The following KIAA1217 variants were observed in gnomAD, a reference collection of about 807,000 sequenced individuals.
KIAA1217 encodes sickle tail protein homolog.
A neutral mutation model predicts 163.9 loss-of-function variants in KIAA1217; 88 were observed. The ratio of observed to expected loss-of-function variants is 0.54; its 90% CI spans 0.45 to 0.64. The LOEUF is 0.64. Among genes scored for constraint, KIAA1217 ranks in the 30% least tolerant of loss-of-function variants. KIAA1217 has a pLI of 0.00. For synonymous variants in KIAA1217, 903 were observed against 923.1 expected (o/e 0.98, Z 0.39); for missense variants, 2,372 against 2,475.0 (o/e 0.96, Z 0.88).
chr10:23,829,024 C>T (rs1838043550), intron 1 of KIAA1217, among the ~76,000 whole-genome samples: 1 of 152,288 alleles, frequency 6.6e-6, no homozygotes, highest in African/African-American at 2.4e-5. Context: ...CTATGACATA[C>T]ATTGATATAT....
intron 1 of KIAA1217, among the ~76,000 whole-genome samples, chr10:23,983,590 ATTCATGAGAAC>A: frequency 6.6e-6 from 1 of 152,272 alleles, no homozygotes; most frequent in South Asian, 2.1e-4. Flanking sequence ...GTGATAAGCC[ATTCATGAGAAC>A]TCCGCCCCCA....
chr10:24,123,042 C>T (rs1347763924), intron 2 of KIAA1217, among the ~76,000 whole-genome samples: 1 of 151,780 alleles, frequency 6.6e-6, no homozygotes, highest in African/African-American at 2.4e-5. Flanking sequence ...ATTCTTTTCT[C>T]TCCCCCTTCC....
intron 2 of KIAA1217, among the ~76,000 whole-genome samples, chr10:24,353,987 G>A (rs2048769525): frequency 6.6e-6 from 1 of 152,128 alleles, no homozygotes; most frequent in South Asian, 2.1e-4. Context: ...GCTGTAGCTG[G>A]GTTTTCTGAT....
At chr10:24,153,949 AC>A (rs1289948344) in intron 2 of KIAA1217, among the ~76,000 whole-genome samples, 7 of 151,332 alleles carry the variant, frequency 4.6e-5, no homozygotes, top group Admixed American at 6.6e-5. Flanking sequence ...CTGTGTCTCT[AC>A]AAAAAATATT....
At chr10:24,317,104 G>A (rs987922670) in intron 2 of KIAA1217, among the ~76,000 whole-genome samples, 2 of 152,022 alleles carry the variant, frequency 1.3e-5, no homozygotes, top group Non-Finnish European at 2.9e-5. Context: ...CAAAAATACT[G>A]CAATGTATGT....
intron 6 of KIAA1217, among the ~76,000 whole-genome samples, chr10:24,476,608 A>G (rs551657582): frequency 6.6e-6 from 1 of 152,234 alleles, no homozygotes; most frequent in African/African-American, 2.4e-5. Flanking sequence ...ATTCTGACAT[A>G]TGATTGTAAT....
intron 1 of KIAA1217, among the ~76,000 whole-genome samples, chr10:23,838,358 T>C (rs965569367): frequency 1.3e-5 from 2 of 152,162 alleles, no homozygotes; most frequent in African/African-American, 2.4e-5. Flanking sequence ...CATCCCAAAG[T>C]AGAGAAAAAT....
chr10:23,747,203 T>C (rs1384283868), intron 1 of KIAA1217, among the ~76,000 whole-genome samples: 1 of 152,042 alleles, frequency 6.6e-6, no homozygotes, highest in Non-Finnish European at 1.5e-5. Context: ...GGAAACTAGC[T>C]AGAAACAAGA....
chr10:24,042,535 A>G (rs763950523), intron 2 of KIAA1217: 2 of 152,356 alleles, frequency 1.3e-5, no homozygotes, highest in East Asian at 3.9e-4. Context: ...ACGTTTGCTT[A>G]GAAACTTCCT....
chr10:23,926,257 A>G (rs1843014410), intron 1 of KIAA1217, among the ~76,000 whole-genome samples: 1 of 152,220 alleles, frequency 6.6e-6, no homozygotes, highest in Admixed American at 6.5e-5. Flanking sequence ...GCAGAAGTGT[A>G]GCCACTTAAT....
At chr10:24,473,026 A>G (rs950474355) in intron 5 of KIAA1217, among the ~76,000 whole-genome samples, 7 of 152,170 alleles carry the variant, frequency 4.6e-5, no homozygotes, top group Non-Finnish European at 1.0e-4. Flanking sequence ...CCTTGAGTTC[A>G]CCAGGATAAA....
At chr10:23,904,892 G>T (rs1842088899) in intron 1 of KIAA1217, among the ~76,000 whole-genome samples, 1 of 151,650 alleles carries the variant, frequency 6.6e-6, no homozygotes, top group Non-Finnish European at 1.5e-5. Context: ...TAAAAAACTT[G>T]CCCACAGTCA....
intron 5 of KIAA1217, among the ~76,000 whole-genome samples, chr10:24,451,227 G>A (rs1334963409): frequency 6.6e-6 from 1 of 152,188 alleles, no homozygotes; most frequent in East Asian, 1.9e-4. Flanking sequence ...AGAGCAGGAA[G>A]CTTGTTTGTG....
chr10:24,477,362 A>G (rs369739550), intron 6 of KIAA1217, among the ~76,000 whole-genome samples: 19 of 152,342 alleles, frequency 1.2e-4, no homozygotes, highest in African/African-American at 3.6e-4. Context: ...ACTGAGGCTC[A>G]GAGAGGTTAA....
intron 2 of KIAA1217, among the ~76,000 whole-genome samples, chr10:24,160,630 A>G (rs1473270292): frequency 1.3e-5 from 2 of 152,152 alleles, no homozygotes; most frequent in African/African-American, 4.8e-5. Context: ...AAGTTCTGCA[A>G]ATGGATTTTC....
intron 1 of KIAA1217, among the ~76,000 whole-genome samples, chr10:23,893,824 G>A (rs1265880066): frequency 1.3e-5 from 2 of 152,124 alleles, no homozygotes; most frequent in Admixed American, 6.6e-5. Flanking sequence ...GGGATGCAAG[G>A]CTGGTTCAAT....
intron 1 of KIAA1217, among the ~76,000 whole-genome samples, chr10:23,900,858 T>C (rs1224795620): frequency 6.6e-6 from 1 of 152,146 alleles, no homozygotes; most frequent in Non-Finnish European, 1.5e-5. Context: ...ATAAAGCTTT[T>C]CTATCCATCC....
chr10:24,310,560 AC>A (rs2042570053), intron 2 of KIAA1217, among the ~76,000 whole-genome samples: 1 of 152,220 alleles, frequency 6.6e-6, no homozygotes, highest in African/African-American at 2.4e-5. Context: ...GTTTGAAATC[AC>A]AAATTACACA....
At chr10:24,120,471 C>A (rs1458832711) in intron 2 of KIAA1217, among the ~76,000 whole-genome samples, 1 of 152,178 alleles carries the variant, frequency 6.6e-6, no homozygotes, top group Non-Finnish European at 1.5e-5. Context: ...CTTAAGAATT[C>A]GTGCTTCTTG....
Sources: allele counts gnomAD v4.1 joint callset (sites outside exome capture counted in the v4.1 genomes callset), GRCh38; gene constraint gnomAD v4.1.1; transcripts MANE v1.5; gene names NCBI Gene and HGNC (gene_info 2026-07-23, HGNC 2026-07-21).